Variants in BCOR observed in about 807,000 individuals in gnomAD.
The protein encoded by BCOR is BCL6 corepressor.
A neutral mutation model predicts 86.7 loss-of-function variants in BCOR; 10 were observed. The observed-to-expected ratio is 0.12, with a 90% CI of 0.07 to 0.20. The LOEUF (loss-of-function observed/expected upper bound fraction) is 0.20, where lower values mean the gene tolerates loss of function less well. Ranked by LOEUF, BCOR falls within the 10% of genes least tolerant of loss-of-function variation. The probability of loss-of-function intolerance (pLI) is 1.00; values close to 1 mark genes in which losing one functional copy is unlikely to be tolerated. For synonymous variants in BCOR, 611 were observed against 609.0 expected (o/e 1.00, Z -0.05); for missense variants, 1,259 against 1,452.1 (o/e 0.87, Z 2.16).
At chrX:40,157,538 T>C (rs186293408) in intron 1 of BCOR, among the ~76,000 whole-genome samples, 1 of 112,656 alleles carries the variant, frequency 8.9e-6, no homozygotes, top group East Asian at 2.8e-4. Context: ...AAGTTCACAT[T>C]CTGCCTCTCA....
At chrX:40,080,854 G>T (rs1333787790) in intron 1 of BCOR, among the ~76,000 whole-genome samples, 1 of 85,353 alleles carries the variant, frequency 1.2e-5, no homozygotes, top group African/African-American at 6.5e-5. Context: ...GTGTGTGTGT[G>T]TGTGTGTGTG....
chrX:40,095,958 G>A (rs1352145200), intron 1 of BCOR, among the ~76,000 whole-genome samples: 1 of 112,600 alleles, frequency 8.9e-6, no homozygotes, highest in Non-Finnish European at 1.9e-5. Context: ...GGGACCACGC[G>A]TGACTTCGGC....
At position 40,063,954 on chromosome X, in the gene BCOR, T is replaced by G; in HGVS notation, c.3503-2A>C. On this transcript the variant is annotated splice_acceptor_variant, in intron 7 of 14. Transcript: ENST00000378444. LOFTEE classifies it high-confidence loss of function. ...TCATTTCCCTCTCAGGCCAGTCATCTAATGGAGAAATAACTACAAATTAAT... is the reference window on the plus strand; with the variant it reads ...TCATTTCCCTCTCAGGCCAGTCATCGAATGGAGAAATAACTACAAATTAAT... The G allele has an allele frequency of 8.7e-7, 1 of 1,147,940 alleles. No individual in the cohort carries two copies. Among genetic ancestry groups the G allele is most frequent in the African/African-American group, 1.9e-5 (1 of 53,528 alleles). 94.6% of individuals were successfully genotyped at this position (1,147,940 alleles called of 1,213,427 possible).
intron 1 of BCOR, among the ~76,000 whole-genome samples, chrX:40,160,432 C>CA (rs747687721): frequency 2.0e-5 from 2 of 98,635 alleles, no homozygotes; most frequent in African/African-American, 7.8e-5. Context: ...ATTACTTTTT[C>CA]TTTTTTTTCT....
chrX:40,139,089 C>T (rs1409584321), intron 1 of BCOR, among the ~76,000 whole-genome samples: 4 of 107,064 alleles, frequency 3.7e-5, no homozygotes, highest in Non-Finnish European at 7.7e-5. Flanking sequence ...TTAGGAAATG[C>T]CCACTATGCA....
intron 1 of BCOR, among the ~76,000 whole-genome samples, chrX:40,096,469 G>A (rs1394797035): frequency 8.9e-6 from 1 of 112,496 alleles, no homozygotes; most frequent in Non-Finnish European, 1.9e-5. Context: ...CCTGGCTGGC[G>A]GGCGGGCCAA....
intron 1 of BCOR, among the ~76,000 whole-genome samples, chrX:40,082,054 C>G (rs998231968): frequency 1.8e-5 from 2 of 112,651 alleles, no homozygotes; most frequent in African/African-American, 6.5e-5. Flanking sequence ...ATGAGAGCAC[C>G]TGAGCTTGGC....
rs1602175782 is a variant in BCOR, at chrX:40,081,898, G to A, written c.-40-3929C>T. Among the ~76,000 whole-genome samples, 6 of 112,626 alleles carry A rather than the reference G, an allele frequency of 5.3e-5. 1 individual carries two copies. In the Admixed American group the frequency reaches 5.6e-4, roughly 10 times the overall value. On this transcript the variant is annotated intron_variant, in intron 1 of 14. Coordinates refer to ENST00000378444, the MANE Select transcript of BCOR (RefSeq NM_001123385.2). ...GCAGGAACACCCAGGGCCAAGTGGAGAGACCTGGCTTGTGAGAAGCAGGCG... is the reference window on the plus strand; with the variant it reads ...GCAGGAACACCCAGGGCCAAGTGGAAAGACCTGGCTTGTGAGAAGCAGGCG...
intron 1 of BCOR, among the ~76,000 whole-genome samples, chrX:40,137,991 T>C (rs1937721718): frequency 9.0e-6 from 1 of 111,563 alleles, no homozygotes; most frequent in Admixed American, 9.5e-5. Flanking sequence ...TCACTCTTAT[T>C]GCCCAGGCTA....
chrX:40,095,084 G>GTATA (rs1463228682), intron 1 of BCOR, among the ~76,000 whole-genome samples: 4 of 112,044 alleles, frequency 3.6e-5, no homozygotes, highest in African/African-American at 1.3e-4. Flanking sequence ...GCGTGGCGGT[G>GTATA]TATACCCGCA....
chrX:40,117,743 T>C (rs1355671830), intron 1 of BCOR, among the ~76,000 whole-genome samples: 1 of 111,103 alleles, frequency 9.0e-6, no homozygotes, highest in Admixed American at 9.6e-5. Flanking sequence ...GCTTGCTTTC[T>C]TGGTGTGTGA....
At chrX:40,161,528 T>C (rs1467812639) in intron 1 of BCOR, among the ~76,000 whole-genome samples, 1 of 95,298 alleles carries the variant, frequency 1.0e-5, no homozygotes, top group Non-Finnish European at 2.1e-5. Flanking sequence ...TTTTTTTTTT[T>C]TGAGACTGAG....
At chrX:40,117,919 CGA>C (rs1274522579) in intron 1 of BCOR, among the ~76,000 whole-genome samples, 2 of 109,745 alleles carry the variant, frequency 1.8e-5, no homozygotes, top group African/African-American at 6.7e-5. Context: ...AACTACTATT[CGA>C]GAGATAGTTT....
chrX:40,117,646 G>C (rs1937415921), intron 1 of BCOR, among the ~76,000 whole-genome samples: 1 of 111,400 alleles, frequency 9.0e-6, no homozygotes, highest in Non-Finnish European at 1.9e-5. Context: ...AGCTATTTTG[G>C]TGGCAACACT....
intron 1 of BCOR, among the ~76,000 whole-genome samples, chrX:40,176,556 T>TCGCC (rs1381544264): frequency 1.8e-5 from 2 of 112,711 alleles, no homozygotes; most frequent in Non-Finnish European, 3.8e-5. Context: ...GGTTCCGCTC[T>TCGCC]CGCCCCGGGA....
chrX:40,053,668 C>T (rs1054649838), intron 14 of BCOR, among the ~76,000 whole-genome samples: 10 of 111,429 alleles, frequency 9.0e-5, no homozygotes, highest in Admixed American at 2.8e-4. Flanking sequence ...GTGATGAGGG[C>T]AGGTTTATAC....
chrX:40,108,357 C>T (rs1251041722), intron 1 of BCOR, among the ~76,000 whole-genome samples: 1 of 113,475 alleles, frequency 8.8e-6, no homozygotes, highest in African/African-American at 3.2e-5. Flanking sequence ...TCGCCAGCAA[C>T]TCCTCAGCTT....
chrX:40,164,212 C>T (rs1938471431), intron 1 of BCOR, among the ~76,000 whole-genome samples: 1 of 112,420 alleles, frequency 8.9e-6, no homozygotes, highest in Non-Finnish European at 1.9e-5. Context: ...TCCCAGCCAA[C>T]AGCCAGACAT....
rs181913436 is a variant in BCOR, at chrX:40,153,271, C to A, written c.-41+23736G>T. 2.6e-3 allele frequency among the ~76,000 whole-genome samples: 297 copies of A among 112,825 alleles called. 1 individual carries two copies. Among genetic ancestry groups the A allele is most frequent in the African/African-American group, 9.1e-3 (282 of 31,136 alleles). On this transcript the variant is annotated intron_variant, in intron 1 of 14. Transcript: ENST00000342274. ...TGAGGCGTCGGCTTTGGCCTTCCAA[C>A]CTTGGGGTGCGCGAGGAAGCAAAGA...
Sources: allele counts gnomAD v4.1 joint callset (sites outside exome capture counted in the v4.1 genomes callset), GRCh38; gene constraint gnomAD v4.1.1; transcripts MANE v1.5; gene names NCBI Gene and HGNC (gene_info 2026-07-23, HGNC 2026-07-21).